CACNA1I: variants seen among roughly 807,000 people sequenced by gnomAD.
CACNA1I encodes voltage-dependent T-type calcium channel subunit alpha-1I.
In CACNA1I, 74 loss-of-function variants were observed where a neutral mutation model predicts 201.6. That is an observed-to-expected ratio of 0.37 (90% CI 0.30 to 0.45). CACNA1I has a LOEUF of 0.45. CACNA1I is among the 20% of genes least tolerant of loss of function. CACNA1I has a pLI of 1.00. For missense variants in CACNA1I, 2,346 were observed against 3,138.1 expected, an observed-to-expected ratio of 0.75 and a Z score of 6.03; for synonymous variants, 1,431 against 1,345.2, an observed-to-expected ratio of 1.06 and a Z score of -1.40.
chr22:39,623,276 GGTGA>G (rs1369231200), intron 4 of CACNA1I, among the ~76,000 whole-genome samples: 4 of 152,208 alleles, frequency 2.6e-5, no homozygotes, highest in African/African-American at 9.6e-5. Flanking sequence ...GGTGTGCACA[GGTGA>G]GTATGTGCCT....
intron 1 of CACNA1I, among the ~76,000 whole-genome samples, chr22:39,582,310 C>A (rs906480601): frequency 2.0e-5 from 3 of 152,008 alleles, no homozygotes; most frequent in Admixed American, 6.6e-5. Context: ...GGTTTTCAAT[C>A]GGGGTGACTT....
intron 4 of CACNA1I, among the ~76,000 whole-genome samples, chr22:39,631,493 G>A (rs1934061436): frequency 6.6e-6 from 1 of 152,222 alleles, no homozygotes; most frequent in Admixed American, 6.5e-5. Flanking sequence ...GCGCCTTGGG[G>A]CAATGAGAGG....
At chr22:39,631,947 G>GCCCTGGGACT (rs1934074398) in intron 4 of CACNA1I, among the ~76,000 whole-genome samples, 1 of 152,048 alleles carries the variant, frequency 6.6e-6, no homozygotes, top group Non-Finnish European at 1.5e-5. Context: ...GGGCTCTGTG[G>GCCCTGGGACT]CCCTGGGACT....
At chr22:39,643,657 T>C (rs1349780006) in intron 7 of CACNA1I, 1 of 152,330 alleles carries the variant, frequency 6.6e-6, no homozygotes, top group Non-Finnish European at 1.5e-5. Context: ...CATCCTGGGC[T>C]GGCAGGACCT....
chr22:39,650,922 G>T (rs1221487682), intron 10 of CACNA1I, among the ~76,000 whole-genome samples: 1 of 152,124 alleles, frequency 6.6e-6, no homozygotes, highest in Non-Finnish European at 1.5e-5. Flanking sequence ...CCTCTGTGGG[G>T]ACACGGGAGG....
intron 3 of CACNA1I, among the ~76,000 whole-genome samples, chr22:39,616,157 C>T (rs943031906): frequency 6.6e-6 from 1 of 152,152 alleles, no homozygotes; most frequent in African/African-American, 2.4e-5. Context: ...TTGCTCCAGG[C>T]CTGCCCTATT....
intron 7 of CACNA1I, 130 bp from the exon 8 acceptor site, chr22:39,646,439 C>A: frequency 7.3e-7 from 1 of 1,375,690 alleles, no homozygotes; most frequent in Non-Finnish European, 9.7e-7. Flanking sequence ...CCATCTCCAT[C>A]TCCCCATCTC....
At chr22:39,597,496 C>G (rs865975646) in intron 1 of CACNA1I, among the ~76,000 whole-genome samples, 81 of 152,350 alleles carry the variant, frequency 5.3e-4, no homozygotes, top group African/African-American at 1.9e-3. Context: ...AGGTTCATGG[C>G]CAGCTCTGGA....
In CACNA1I at chr22:39,686,440, C is replaced by G. The variant is rs1056940764; in HGVS notation, c.*35C>G. On this transcript the variant is annotated 3_prime_UTR_variant, in exon 37 of 37. Coordinates refer to ENST00000402142, the MANE Select transcript of CACNA1I (RefSeq NM_021096.4). ...GGGCCCCCGGCCGCCCACCGCCCGCCCCGTCTCACCTTCTTTACCTCAGGA... is the reference window on the plus strand; with the variant it reads ...GGGCCCCCGGCCGCCCACCGCCCGCGCCGTCTCACCTTCTTTACCTCAGGA... 5.0e-6 allele frequency: 6 copies of G among 1,202,362 alleles called. No individual in the cohort carries two copies. The highest frequency in any genetic ancestry group is 6.2e-6 in the Non-Finnish European group (6 of 960,278). The allele number at this position is 1,202,362 out of a possible 1,614,324, so 74.5% of individuals were successfully genotyped here.
chr22:39,605,103 C>G (rs1435362761), intron 3 of CACNA1I, among the ~76,000 whole-genome samples: 4 of 150,666 alleles, frequency 2.7e-5, no homozygotes, highest in Non-Finnish European at 4.4e-5. Flanking sequence ...CACCCACCCC[C>G]CAAATCCCAC....
chr22:39,644,301 C>A (rs186001160), intron 7 of CACNA1I, among the ~76,000 whole-genome samples: 2 of 152,168 alleles, frequency 1.3e-5, no homozygotes, highest in Non-Finnish European at 2.9e-5. Context: ...TGGGGTAAAG[C>A]ACGATGCTCC....
At chr22:39,628,620 T>A (rs1482968569) in intron 4 of CACNA1I, among the ~76,000 whole-genome samples, 1 of 152,084 alleles carries the variant, frequency 6.6e-6, no homozygotes, top group Non-Finnish European at 1.5e-5. Flanking sequence ...GGCCCCTCCC[T>A]GGCTGGGCCT....
rs1030249617 is a variant in CACNA1I at position 39,664,859 on chromosome 22, G to A, written c.3787G>A (p.Gly1263Arg). The A allele has an allele frequency of 8.7e-6, 14 of 1,612,722 alleles. No homozygotes were observed. Among genetic ancestry groups the A allele is most frequent in the African/African-American group, 1.3e-5 (1 of 74,904 alleles). Residue 1263 changes from glycine (G) to arginine (R), a missense_variant, in exon 21 of 37, where the codon GGG becomes AGG. This residue lies in a region of CACNA1I where 158 missense variants were observed against 231.6 expected (regional missense o/e 0.68). Transcript: ENST00000402142. Reference sequence around the variant, plus strand: ...CATCGTGGTGTCCCTGGCCTCAGCCGGGGGAGCCAAGATCTTGGGGGTCCT... The same window carrying A: ...CATCGTGGTGTCCCTGGCCTCAGCCAGGGGAGCCAAGATCTTGGGGGTCCT... ...IDIVVSLASAGGAKILGVLRV... is the reference protein window; with the variant it reads ...IDIVVSLASARGAKILGVLRV...
In CACNA1I at chr22:39,598,131, G is replaced by T; in HGVS notation, c.237-20G>T. On this transcript the variant is annotated intron_variant, in intron 1 of 36. Transcript: ENST00000402142. Reference sequence around the variant, plus strand: ...CACGGGCGATCCCACCTGCTGCTTTGTCCTTGACTTGGTGTGCACGTGGTT... The same window carrying T: ...CACGGGCGATCCCACCTGCTGCTTTTTCCTTGACTTGGTGTGCACGTGGTT... 1 of 1,517,740 alleles carries T rather than the reference G, an allele frequency of 6.6e-7. No homozygotes were observed. The highest frequency in any genetic ancestry group is 9.0e-7 in the Non-Finnish European group (1 of 1,106,598). The allele number at this position is 1,517,740 out of a possible 1,614,324, so 94.0% of individuals were successfully genotyped here.
chr22:39,655,890 T>G (rs1392133208), intron 10 of CACNA1I, among the ~76,000 whole-genome samples: 1 of 152,220 alleles, frequency 6.6e-6, no homozygotes, highest in Admixed American at 6.5e-5. Flanking sequence ...TGGATGGCAG[T>G]GGCTCCCTGC....
chr22:39,582,494 G>C (rs989969606), intron 1 of CACNA1I, among the ~76,000 whole-genome samples: 2 of 152,100 alleles, frequency 1.3e-5, no homozygotes, highest in African/African-American at 4.8e-5. Flanking sequence ...GAATTATTCA[G>C]TGGCACTCAG....
rs1934342480 is a variant in CACNA1I at position 39,641,153 on chromosome 22, A to G, written c.1027A>G (p.Ile343Val). 1 of 1,613,528 alleles carries G rather than the reference A, an allele frequency of 6.2e-7. No individual in the cohort carries two copies. Among genetic ancestry groups the G allele is most frequent in the African/African-American group, 1.3e-5 (1 of 74,930 alleles). ...PHKGAINFDN[I>V]GYAWIVIFQV... ...CAAGGGTGCCATCAACTTTGACAAC[A>G]TCGGTTATGCTTGGATTGTCATCTT... The change falls in exon 6 of 37, where the codon ATC (isoleucine) becomes GTC (valine). Residue 343 changes from isoleucine to valine, a missense_variant. By Grantham distance (29) the Ile-to-Val change is conservative. Coordinates refer to ENST00000402142, the MANE Select transcript of CACNA1I (RefSeq NM_021096.4).
At position 39,684,467 on chromosome 22, in the gene CACNA1I, C is replaced by T; in HGVS notation, c.5996C>T (p.Ser1999Leu). ...ALQGSWASLR[S>L]PRVNCTLLRQ... Reference sequence around the variant, plus strand: ...CAGGGCTCCTGGGCATCTCTGCGGTCACCAAGGGTCAACTGTACCCTCCTC... The same window carrying T: ...CAGGGCTCCTGGGCATCTCTGCGGTTACCAAGGGTCAACTGTACCCTCCTC... The change falls in exon 36 of 37, where the codon TCA becomes TTA. Residue 1999 changes from serine to leucine, a missense_variant. By Grantham distance (145) the Ser-to-Leu change is moderately radical (BLOSUM62 -2). This residue lies in a region of CACNA1I where 441 missense variants were observed against 555.6 expected (regional missense o/e 0.79). Transcript: ENST00000402142. This position sits in a 1 kb window ranked among gnomAD's most constrained non-coding sequence, Gnocchi z 4.6. The T allele has an allele frequency of 6.2e-7, 1 of 1,613,330 alleles. No homozygotes were observed. The highest frequency in any genetic ancestry group is 1.6e-4 in the Middle Eastern group (1 of 6,062).
Position 39,681,164 on chromosome 22 carries a change from C to T in CACNA1I, c.5664+112C>T, listed in dbSNP as rs1373523866. On this transcript the variant is annotated intron_variant, in intron 34 of 36. Transcript: ENST00000402142. ...CAGTCTACCATGTAAACGGCACCCA[C>T]TGTGCTAGGCCTTCATCTCCTGTTG... 3 of 1,221,306 alleles carry T rather than the reference C, an allele frequency of 2.5e-6. No individual in the cohort carries two copies. The Admixed American group carries it at 7.7e-5, about 31-fold the overall frequency. The allele number at this position is 1,221,306 out of a possible 1,614,324, so 75.7% of individuals were successfully genotyped here. A position where few individuals can be genotyped will look rare whatever the true frequency, so the allele number is the denominator to read the frequency against.
Sources: allele counts gnomAD v4.1 joint callset (sites outside exome capture counted in the v4.1 genomes callset), GRCh38; gene constraint gnomAD v4.1.1; regional missense constraint gnomAD v4.1.1; non-coding constraint Gnocchi (gnomAD v3.1); transcripts MANE v1.5; gene names NCBI Gene and HGNC (gene_info 2026-07-23, HGNC 2026-07-21).